The following GSK3B variants were observed in gnomAD, a reference collection of about 807,000 sequenced individuals.
GSK3B encodes the protein glycogen synthase kinase-3 beta.
A neutral mutation model predicts 56.4 loss-of-function variants in GSK3B; 15 were observed. The ratio of observed to expected loss-of-function variants is 0.27; its 90% CI spans 0.18 to 0.41. The LOEUF is 0.41. GSK3B is among the 10% of genes least tolerant of loss of function. The pLI is 1.00. For synonymous variants in GSK3B, 181 were observed against 188.9 expected, an observed-to-expected ratio of 0.96 and a Z score of 0.34; for missense variants, 300 against 513.4, an observed-to-expected ratio of 0.58 and a Z score of 4.02.
intron 8 of GSK3B, among the ~76,000 whole-genome samples, chr3:119,865,462 A>AT (rs2056167966): frequency 9.6e-4 from 26 of 27,124 alleles, no homozygotes; most frequent in South Asian, 4.7e-3. Flanking sequence ...ATATATATAT[A>AT]TATATTTTTT....
chr3:119,970,149 T>G (rs949004628), intron 2 of GSK3B, among the ~76,000 whole-genome samples: 1 of 152,210 alleles, frequency 6.6e-6, no homozygotes, highest in Non-Finnish European at 1.5e-5. Flanking sequence ...ACTATAGGTA[T>G]GTATGTATAC....
At chr3:119,946,726 T>C (rs9826355) in intron 3 of GSK3B, among the ~76,000 whole-genome samples, 2,769 of 152,296 alleles carry the variant, frequency 0.018, 92 homozygotes, top group African/African-American at 0.063. Context: ...CTTTATCCTT[T>C]GGTTTCGCAG....
rs888556754 is a variant in GSK3B at position 119,822,243 on chromosome 3, T to A, written c.*4545A>T. ...TAGTTTGTATACAACCCACAGTCCT[T>A]TATATATATATATATATATATATAA... On this transcript the variant is annotated 3_prime_UTR_variant, in exon 11 of 11. Coordinates refer to ENST00000264235, the MANE Select transcript of GSK3B (RefSeq NM_001146156.2). The A allele has an allele frequency of 3.2e-5, 5 of 158,530 alleles. No homozygotes were observed. Among genetic ancestry groups the A allele is most frequent in the East Asian group, 1.2e-4 (1 of 8,354 alleles). The allele number at this position is 158,530 out of a possible 1,614,324, so 9.8% of individuals were successfully genotyped here. A position where few individuals can be genotyped will look rare whatever the true frequency, so the allele number is the denominator to read the frequency against.
Position 119,896,278 on chromosome 3 carries a change from C to G in GSK3B, c.813+9477G>C, listed in dbSNP as rs2056562507. ...AGTTTTGATTACGTAAACTATTGAACATAAAGTGAAAAATTCATTTTTGGT... is the reference window on the plus strand; with the variant it reads ...AGTTTTGATTACGTAAACTATTGAAGATAAAGTGAAAAATTCATTTTTGGT... On this transcript the variant is annotated intron_variant, in intron 7 of 10. Coordinates refer to ENST00000264235, the MANE Select transcript of GSK3B (RefSeq NM_001146156.2). Among the ~76,000 whole-genome samples, 4 of 151,974 alleles carry G rather than the reference C, an allele frequency of 2.6e-5. 1 individual carries two copies. Among genetic ancestry groups the G allele is most frequent in the Admixed American group, 2.6e-4 (4 of 15,250 alleles).
chr3:119,992,147 A>G (rs2057571719), intron 2 of GSK3B, among the ~76,000 whole-genome samples: 2 of 152,068 alleles, frequency 1.3e-5, no homozygotes, highest in African/African-American at 4.8e-5. Flanking sequence ...ATAAACATGT[A>G]AAAATAGGTA....
intron 10 of GSK3B, among the ~76,000 whole-genome samples, chr3:119,834,817 C>G (rs538485734): frequency 6.6e-6 from 1 of 151,958 alleles, no homozygotes; most frequent in African/African-American, 2.4e-5. Flanking sequence ...GGGGAAAAAC[C>G]GAGATAAAAT....
At chr3:120,083,507 TA>T (rs965982507) in intron 1 of GSK3B, among the ~76,000 whole-genome samples, 5 of 150,902 alleles carry the variant, frequency 3.3e-5, no homozygotes, top group Non-Finnish European at 7.4e-5. Flanking sequence ...AAACAGTATT[TA>T]AAAAAAAAGA....
intron 3 of GSK3B, among the ~76,000 whole-genome samples, chr3:119,937,762 A>C (rs1279699758): frequency 6.6e-6 from 1 of 151,974 alleles, no homozygotes; most frequent in African/African-American, 2.4e-5. Context: ...AGGAAATAAG[A>C]AATATATGAA....
At chr3:120,022,974 G>C (rs1285778087) in intron 1 of GSK3B, among the ~76,000 whole-genome samples, 2 of 152,128 alleles carry the variant, frequency 1.3e-5, no homozygotes, top group African/African-American at 2.4e-5. Context: ...AAGTAGATAA[G>C]GACATTAAAG....
chr3:120,048,421 C>A (rs1358020537), intron 1 of GSK3B, among the ~76,000 whole-genome samples: 1 of 152,088 alleles, frequency 6.6e-6, no homozygotes, highest in Admixed American at 6.5e-5. Context: ...TCACTAAGAG[C>A]ATAAACTCTG....
At chr3:120,082,119 C>T (rs2058424740) in intron 1 of GSK3B, among the ~76,000 whole-genome samples, 1 of 152,104 alleles carries the variant, frequency 6.6e-6, no homozygotes, top group Non-Finnish European at 1.5e-5. Flanking sequence ...AGAATCACTA[C>T]CCACCCTACA....
At chr3:119,981,976 C>A (rs763791349) in intron 2 of GSK3B, among the ~76,000 whole-genome samples, 1 of 152,188 alleles carries the variant, frequency 6.6e-6, no homozygotes, top group Non-Finnish European at 1.5e-5. Context: ...GCAGCTGCCC[C>A]GCTGTGACGA....
chr3:120,073,280 T>C (rs1466736687), intron 1 of GSK3B, among the ~76,000 whole-genome samples: 1 of 144,188 alleles, frequency 6.9e-6, no homozygotes, highest in Non-Finnish European at 1.5e-5. Context: ...TCCTAGCTAA[T>C]TGAAAGGCTG....
In GSK3B at chr3:119,867,285, A is replaced by T. The variant is rs868068343; in HGVS notation, c.910-3680T>A. Among the ~76,000 whole-genome samples the T allele has an allele frequency of 2.5e-4, 38 of 152,316 alleles. 1 individual carries two copies. The Middle Eastern group carries it at 0.054, about 218-fold the overall frequency. On this transcript the variant is annotated intron_variant, in intron 8 of 10. Coordinates refer to ENST00000264235, the MANE Select transcript of GSK3B (RefSeq NM_001146156.2). ...ATTTTGGATTGACTTCTCTGCTAAA[A>T]GATGTTTCTTTGCTGACATTCTCAT...
chr3:119,958,382 G>GGGGT (rs57244190), intron 2 of GSK3B, among the ~76,000 whole-genome samples: 11,955 of 136,454 alleles, frequency 0.088, 665 homozygotes, highest in African/African-American at 0.13. Context: ...TATCGAAAAA[G>GGGGT]GGGTGGGTGG....
At chr3:119,911,870 A>C (rs999848806) in intron 6 of GSK3B, among the ~76,000 whole-genome samples, 1 of 152,204 alleles carries the variant, frequency 6.6e-6, no homozygotes, top group Non-Finnish European at 1.5e-5. Context: ...GCTTTGGCTC[A>C]AGTGAATGTT....
chr3:119,909,255 C>A (rs1426138227), intron 6 of GSK3B, among the ~76,000 whole-genome samples: 1 of 152,166 alleles, frequency 6.6e-6, no homozygotes, highest in African/African-American at 2.4e-5. Context: ...AAGTGATCTG[C>A]CCACCTCAGC....
intron 1 of GSK3B, among the ~76,000 whole-genome samples, chr3:120,063,480 A>G (rs1386974601): frequency 1.3e-5 from 2 of 152,192 alleles, no homozygotes; most frequent in African/African-American, 4.8e-5. Flanking sequence ...TAATCCCAGC[A>G]CTTTGGGAAG....
intron 7 of GSK3B, among the ~76,000 whole-genome samples, chr3:119,902,662 G>C (rs1190920777): frequency 6.6e-6 from 1 of 152,136 alleles, no homozygotes; most frequent in Non-Finnish European, 1.5e-5. Context: ...CTCCCAAAGT[G>C]TTGGGATTAC....
Sources: allele counts gnomAD v4.1 joint callset (sites outside exome capture counted in the v4.1 genomes callset), GRCh38; gene constraint gnomAD v4.1.1; transcripts MANE v1.5; gene names NCBI Gene and HGNC (gene_info 2026-07-23, HGNC 2026-07-21).